PLA2R1: variants seen among roughly 807,000 people sequenced by gnomAD.
The protein encoded by PLA2R1 is secretory phospholipase A2 receptor.
A neutral mutation model predicts 195.9 loss-of-function variants in PLA2R1; 158 were observed. That is an observed-to-expected ratio of 0.81 (90% CI 0.71 to 0.92). The LOEUF is 0.92. Among genes scored for constraint, PLA2R1 ranks in the 40% least tolerant of loss-of-function variants. PLA2R1 has a pLI of 0.00. For missense variants in PLA2R1, 1,626 were observed against 1,764.6 expected, an observed-to-expected ratio of 0.92 and a Z score of 1.41; for synonymous variants, 586 against 598.2, an observed-to-expected ratio of 0.98 and a Z score of 0.30.
At chr2:160,033,226 G>T in intron 3 of PLA2R1, 94 bp from the exon 4 acceptor site, 1 of 967,064 alleles carries the variant, frequency 1.0e-6, no homozygotes, top group South Asian at 1.9e-5. Flanking sequence ...ATTCCATCTT[G>T]CAATCTCTAA....
At position 159,945,200 on chromosome 2, in the gene PLA2R1, ATTTTT is replaced by A. The variant is rs371519103; in HGVS notation, c.3968-123_3968-119del. On this transcript the variant is annotated intron_variant, in intron 27 of 29. Transcript: ENST00000283243. ...TTTTTATTTTTTTATTTTTATTTTT[ATTTTT>A]TTATTATTATACTTTAAGTTTTAGG... The A allele has an allele frequency of 6.1e-4, 258 of 423,498 alleles. 4 individuals are homozygous for A. In the East Asian group the frequency reaches 0.011, roughly 17 times the overall value. The allele number at this position is 423,498 out of a possible 1,614,324, so 26.2% of individuals were successfully genotyped here.
Position 160,062,567 on chromosome 2 carries a change from A to G in PLA2R1, c.-164T>C. On this transcript the variant is annotated 5_prime_UTR_variant, in exon 1 of 30. Transcript: ENST00000283243. ...GCCTTGCCAGCCCAGAGCCCTGGAG[A>G]CCCACTCCGCCACCGCTGTCTCCAC... 8.1e-7 allele frequency: 1 copy of G among 1,234,404 alleles called. No individual in the cohort carries two copies. The highest frequency in any genetic ancestry group is 1.1e-6 in the Non-Finnish European group (1 of 948,892). 76.5% of individuals were successfully genotyped at this position (1,234,404 alleles called of 1,614,324 possible).
intron 3 of PLA2R1, among the ~76,000 whole-genome samples, chr2:160,037,165 C>T (rs1005716775): frequency 2.0e-5 from 3 of 152,248 alleles, no homozygotes; most frequent in Non-Finnish European, 4.4e-5. Context: ...GACTATTGCT[C>T]TAGCCTTCTA....
intron 13 of PLA2R1, among the ~76,000 whole-genome samples, chr2:159,982,037 A>G (rs1689990411): frequency 6.6e-6 from 1 of 152,208 alleles, no homozygotes. Context: ...TCTGCTAGAC[A>G]TTTCAAGCAT....
At chr2:160,030,097 T>C (rs976969443) in intron 4 of PLA2R1, among the ~76,000 whole-genome samples, 15 of 152,238 alleles carry the variant, frequency 9.9e-5, no homozygotes, top group African/African-American at 3.4e-4. Flanking sequence ...GACTGTATGA[T>C]TACCCAGGTT....
At position 159,970,781 on chromosome 2, in the gene PLA2R1, G is replaced by A. The variant is rs1320013029; in HGVS notation, c.2596-569C>T. Among the ~76,000 whole-genome samples the A allele has an allele frequency of 3.3e-5, 5 of 152,224 alleles. No individual in the cohort carries two copies. The East Asian group carries it at 9.6e-4, about 29-fold the overall frequency. On this transcript the variant is annotated intron_variant, in intron 17 of 29. Coordinates refer to ENST00000283243, the MANE Select transcript of PLA2R1 (RefSeq NM_007366.5). ...TTGACAACTAGAAAATTATCCTTTT[G>A]ATGAGTTCATGTCCTTTGCAGGGAC...
intron 4 of PLA2R1, among the ~76,000 whole-genome samples, chr2:160,031,498 C>T (rs1333644519): frequency 1.3e-5 from 2 of 152,118 alleles, no homozygotes; most frequent in Non-Finnish European, 2.9e-5. Context: ...GTTATGTGTG[C>T]CAGGCACTTT....
At position 159,932,399 on chromosome 2, in the gene PLA2R1, C is replaced by T. The variant is rs1364958015; in HGVS notation, c.*9379G>A. 6.6e-6 allele frequency: 1 copy of T among 152,328 alleles called. No homozygotes were observed. The highest frequency in any genetic ancestry group is 1.5e-5 in the Non-Finnish European group (1 of 68,104). 9.4% of individuals were successfully genotyped at this position (152,328 alleles called of 1,614,324 possible). A position where few individuals can be genotyped will look rare whatever the true frequency, so the allele number is the denominator to read the frequency against. Reference sequence around the variant, plus strand: ...CTTAGCACATCGATTAAGGCATGCTCTGTCCTGAAGTTTGTCCTCAGCCTC... The same window carrying T: ...CTTAGCACATCGATTAAGGCATGCTTTGTCCTGAAGTTTGTCCTCAGCCTC... On this transcript the variant is annotated 3_prime_UTR_variant, in exon 30 of 30. Transcript: ENST00000283243.
At chr2:159,994,191 T>C (rs1691047213) in intron 11 of PLA2R1, among the ~76,000 whole-genome samples, 1 of 152,040 alleles carries the variant, frequency 6.6e-6, no homozygotes, top group South Asian at 2.1e-4. Context: ...TCATTCTTTT[T>C]AAAAATAAAA....
intron 19 of PLA2R1, among the ~76,000 whole-genome samples, chr2:159,969,001 G>A (rs931597453): frequency 6.6e-6 from 1 of 151,928 alleles, no homozygotes; most frequent in Non-Finnish European, 1.5e-5. Flanking sequence ...AGTTTCATTG[G>A]GCCCATTTCT....
In PLA2R1 at chr2:159,937,493, T is replaced by A. The variant is rs1171243135; in HGVS notation, c.*4285A>T. Reference sequence around the variant, plus strand: ...CAAATAAAAAAAACTTCAGAAAAGGTCTGAATTCATTTTTCAGTTCAAATA... The same window carrying A: ...CAAATAAAAAAAACTTCAGAAAAGGACTGAATTCATTTTTCAGTTCAAATA... On this transcript the variant is annotated 3_prime_UTR_variant, in exon 30 of 30. Transcript: ENST00000283243. 1 of 152,206 alleles carries A rather than the reference T, an allele frequency of 6.6e-6. No individual in the cohort carries two copies. Among genetic ancestry groups the A allele is most frequent in the Non-Finnish European group, 1.5e-5 (1 of 68,032 alleles). The allele number at this position is 152,206 out of a possible 1,614,324, so 9.4% of individuals were successfully genotyped here. A position where few individuals can be genotyped will look rare whatever the true frequency, so the allele number is the denominator to read the frequency against.
rs1366524186 is a variant in PLA2R1 at position 159,946,926 on chromosome 2, G to T, written c.3851-9C>A. Reference sequence around the variant, plus strand: ...TGTTAAAAGATTAGAACCTATAAGAGAGACAAGTAGCAAAGGAATATTTGT... The same window carrying T: ...TGTTAAAAGATTAGAACCTATAAGATAGACAAGTAGCAAAGGAATATTTGT... On this transcript the variant is annotated splice_polypyrimidine_tract_variant and intron_variant, in intron 26 of 29. Coordinates refer to ENST00000283243, the MANE Select transcript of PLA2R1 (RefSeq NM_007366.5). 5 of 1,516,912 alleles carry T rather than the reference G, an allele frequency of 3.3e-6. No individual in the cohort carries two copies. The highest frequency in any genetic ancestry group is 4.5e-6 in the Non-Finnish European group (5 of 1,103,214). 94.0% of individuals were successfully genotyped at this position (1,516,912 alleles called of 1,614,324 possible).
At chr2:160,032,742 T>C (rs537108870) in intron 4 of PLA2R1, among the ~76,000 whole-genome samples, 2 of 152,310 alleles carry the variant, frequency 1.3e-5, no homozygotes, top group South Asian at 4.1e-4. Flanking sequence ...TCAAATTCTC[T>C]TCTCCAAGGA....
chr2:160,041,087 A>AC (rs1694492789), intron 3 of PLA2R1, among the ~76,000 whole-genome samples: 1 of 152,074 alleles, frequency 6.6e-6, no homozygotes, highest in Non-Finnish European at 1.5e-5. Context: ...CAAAGCTTAT[A>AC]CTCTTTCTTA....
At chr2:159,969,970 G>A (rs534313445) in intron 18 of PLA2R1, among the ~76,000 whole-genome samples, 178 bp downstream of exon 18, 2 of 152,256 alleles carry the variant, frequency 1.3e-5, no homozygotes, top group African/African-American at 2.4e-5. Flanking sequence ...CTAGATTGTC[G>A]GGATGGTTTC....
rs368462995 is a variant in PLA2R1 at position 159,969,381 on chromosome 2, T to G, written c.2661-22A>C. ...CCAGCTGTGGGAAGATTAAAAATGT[T>G]AAGGTCTTCTCTCATTCTGCATGTC... On this transcript the variant is annotated intron_variant, in intron 18 of 29. Transcript: ENST00000283243. 3.0e-6 allele frequency: 4 copies of G among 1,319,036 alleles called. No homozygotes were observed. The African/African-American group carries it at 5.8e-5, about 19-fold the overall frequency. The allele number at this position is 1,319,036 out of a possible 1,614,324, so 81.7% of individuals were successfully genotyped here. A position where few individuals can be genotyped will look rare whatever the true frequency, so the allele number is the denominator to read the frequency against.
downstream of PLA2R1, among the ~76,000 whole-genome samples, chr2:159,929,368 T>TA (rs2125897481): frequency 6.6e-6 from 1 of 152,210 alleles, no homozygotes; most frequent in East Asian, 1.9e-4. Context: ...CAAAAGAAGA[T>TA]ACACAAATGG....
chr2:160,062,224 T>C, intron 1 of PLA2R1, 71 bp downstream of exon 1: 1 of 1,220,238 alleles, frequency 8.2e-7, no homozygotes, highest in Non-Finnish European at 1.1e-6. Flanking sequence ...TCGCCCCTTC[T>C]TCCTCTCCTT....
At chr2:160,041,879 C>A in intron 3 of PLA2R1, 146 bp downstream of exon 3, 8 of 625,638 alleles carry the variant, frequency 1.3e-5, no homozygotes, top group East Asian at 5.5e-5. Flanking sequence ...AAAAACAAAC[C>A]CCAAATCAAA....
Sources: allele counts gnomAD v4.1 joint callset (sites outside exome capture counted in the v4.1 genomes callset), GRCh38; gene constraint gnomAD v4.1.1; transcripts MANE v1.5; gene names NCBI Gene and HGNC (gene_info 2026-07-23, HGNC 2026-07-21).